MAN2B1: variants seen among roughly 807,000 people sequenced by gnomAD.
MAN2B1 encodes the protein mannosidase alpha class 2B member 1.
A neutral mutation model predicts 127.5 loss-of-function variants in MAN2B1; 99 were observed. The observed-to-expected ratio is 0.78, with a 90% confidence interval of 0.66 to 0.92. The LOEUF (loss-of-function observed/expected upper bound fraction) is 0.92. MAN2B1 is among the 40% of genes least tolerant of loss of function. The pLI, the probability that MAN2B1 is intolerant of heterozygous loss-of-function variation, is 0.00. For missense variants in MAN2B1, 1,304 were observed against 1,384.8 expected (o/e 0.94, Z 0.93); for synonymous variants, 573 against 568.8 (o/e 1.01, Z -0.11).
chr19:12,665,649 A>G, intron 2 of MAN2B1, 54 bp downstream of exon 2: 2 of 1,587,398 alleles, frequency 1.3e-6, no homozygotes, highest in Non-Finnish European at 8.7e-7. Context: ...CAGGACCCAG[A>G]GGGATTACAG....
Position 12,652,405 on chromosome 19 carries a change from A to G in MAN2B1, c.1886T>C (p.Met629Thr), listed in dbSNP as rs1442334390. 23 of 1,613,942 alleles carry G rather than the reference A, an allele frequency of 1.4e-5. No homozygotes were observed. Among genetic ancestry groups the G allele is most frequent in the Non-Finnish European group, 1.9e-5 (23 of 1,180,032 alleles). ...AACAGGCAGCAGGAGTTGCTGATTC[A>G]TGTTCATAATCTCCATCAACAGCCC... is the stretch of plus-strand genomic sequence containing the variant. ...DTGLLMEIMN[M>T]NQQLLLPVRQ... The change falls in exon 15 of 24, where the codon ATG becomes ACG. Residue 629 changes from methionine (M) to threonine (T), a missense_variant. By Grantham distance (81) the Met-to-Thr change is moderately conservative. Transcript: ENST00000456935.
intron 8 of MAN2B1, 30 bp downstream of exon 8, chr19:12,658,398 C>G (rs1478082189): frequency 6.2e-7 from 1 of 1,614,194 alleles, no homozygotes; most frequent in Admixed American, 1.7e-5. Context: ...GCATGCCAAC[C>G]CCCCCAAGCT....
chr19:12,654,081 T>C (rs1372277163), intron 14 of MAN2B1, among the ~76,000 whole-genome samples: 4 of 149,238 alleles, frequency 2.7e-5, no homozygotes, highest in Non-Finnish European at 4.5e-5. Flanking sequence ...CTCACTCTGT[T>C]GCCCAGGCTG....
chr19:12,658,642 CAATGGTTGGGTGTGA>C, intron 7 of MAN2B1, 132 bp from the exon 8 acceptor site: 1 of 837,300 alleles, frequency 1.2e-6, no homozygotes, highest in Non-Finnish European at 2.0e-6. Context: ...GCGTGCAAGC[CAATGGTTGGGTGTGA>C]AAATGAATTT....
intron 5 of MAN2B1, 105 bp from the exon 6 acceptor site, chr19:12,663,567 A>G (rs550636110): frequency 1.5e-5 from 23 of 1,560,138 alleles, no homozygotes; most frequent in African/African-American, 9.5e-5. Flanking sequence ...TTGTGTCCCA[A>G]TGCAAAAGGA....
intron 4 of MAN2B1, 142 bp downstream of exon 4, chr19:12,664,650 C>T: frequency 1.1e-6 from 1 of 904,342 alleles, no homozygotes; most frequent in South Asian, 1.5e-5. Context: ...GGCTTTACGG[C>T]TCACTCAAGG....
chr19:12,660,022 C>G (rs1166021505), intron 7 of MAN2B1, among the ~76,000 whole-genome samples: 1 of 152,008 alleles, frequency 6.6e-6, no homozygotes, highest in Non-Finnish European at 1.5e-5. Context: ...ATGAGAGTGA[C>G]TGACTGTGCA....
intron 14 of MAN2B1, among the ~76,000 whole-genome samples, 190 bp from the exon 15 acceptor site, chr19:12,652,650 G>C (rs1390847476): frequency 2.7e-5 from 4 of 150,024 alleles, no homozygotes; most frequent in Non-Finnish European, 5.9e-5. Flanking sequence ...TCGTGCCTCA[G>C]CTATCCAAGT....
chr19:12,657,091 G>A, intron 11 of MAN2B1, 35 bp from the exon 12 acceptor site: 6 of 1,316,344 alleles, frequency 4.6e-6, no homozygotes, highest in Non-Finnish European at 6.5e-6. Context: ...GTGGGTTCAG[G>A]ACGCCAGGCC....
chr19:12,655,578 G>T, intron 14 of MAN2B1, 116 bp downstream of exon 14: 3 of 1,006,604 alleles, frequency 3.0e-6, no homozygotes, highest in South Asian at 3.2e-5. Context: ...ACAATGAGGG[G>T]AGTTGTGACA....
At chr19:12,656,048 T>C in intron 13 of MAN2B1, 169 bp from the exon 14 acceptor site, 1 of 572,030 alleles carries the variant, frequency 1.7e-6, no homozygotes, top group Non-Finnish European at 3.1e-6. Context: ...CAGAGAAGAT[T>C]CACCAGGTGG....
Position 12,666,676 on chromosome 19 carries a change from C to A in MAN2B1, c.26G>T (p.Gly9Val). Residue 9 changes from glycine to valine, a missense_variant, in exon 1 of 24, where the codon GGG becomes GTG. Gly to Val is a moderately radical substitution (Grantham distance 109). Transcript: ENST00000456935. The stretch of plus-strand genomic sequence containing the variant: ...GTCCAGGCAGCCGCGAGCGCAGACC[C>A]CCGAAGCCCGCGCGTAGGCGCCCAT... MGAYARAS[G>V]VCARGCLDSA... 1 of 1,551,284 alleles carries A rather than the reference C, an allele frequency of 6.4e-7. No homozygotes were observed. The highest frequency in any genetic ancestry group is 8.7e-7 in the Non-Finnish European group (1 of 1,147,628).
chr19:12,665,856 G>A lies in MAN2B1; in HGVS notation c.160-51C>T, dbSNP rs780047496. On this transcript the variant is annotated intron_variant, in intron 1 of 23. Transcript: ENST00000456935. Reference sequence around the variant, plus strand: ...ACCTTGTCAATAACCCCCGAGGTCGGGGGCTGCAGAGTAAGTCTTGATCTA... The same window carrying A: ...ACCTTGTCAATAACCCCCGAGGTCGAGGGCTGCAGAGTAAGTCTTGATCTA... The A allele has an allele frequency of 2.8e-6, 4 of 1,449,900 alleles. 1 individual carries two copies. The South Asian group carries it at 4.6e-5, about 17-fold the overall frequency. The allele number at this position is 1,449,900 out of a possible 1,614,324, so 89.8% of individuals were successfully genotyped here. A position where few individuals can be genotyped will look rare whatever the true frequency, so the allele number is the denominator to read the frequency against.
chr19:12,655,747 G>T lies in MAN2B1; in HGVS notation c.1777C>A (p.Pro593Thr). The change falls in exon 14 of 24, where the codon CCA (proline) becomes ACA (threonine). Residue 593 changes from proline (P) to threonine (T), a missense_variant. Physicochemically the swap from Pro to Thr is conservative, Grantham distance 38. Transcript: ENST00000456935. Reference sequence around the variant, plus strand: ...CAGGATCTTCTGGGGATGGGCTGTGGTGCGCGGGCCTGGGGCTTCCAGCGA... The same window carrying T: ...CAGGATCTTCTGGGGATGGGCTGTGTTGCGCGGGCCTGGGGCTTCCAGCGA... Reference protein sequence around the residue: ...VPRWKPQARAPQPIPRRSWSP... With the variant: ...VPRWKPQARATQPIPRRSWSP... 2 of 1,609,576 alleles carry T rather than the reference G, an allele frequency of 1.2e-6. No homozygotes were observed. The highest frequency in any genetic ancestry group is 1.7e-6 in the Non-Finnish European group (2 of 1,176,562).
intron 18 of MAN2B1, 30 bp downstream of exon 18, chr19:12,649,883 A>C (rs1233449999): frequency 1.0e-3 from 1,251 of 1,206,224 alleles, no homozygotes; most frequent in Non-Finnish European, 1.4e-3. Flanking sequence ...ACCACAGACC[A>C]CCCCCTCAGT....
chr19:12,652,329 C>T, intron 15 of MAN2B1, 34 bp downstream of exon 15: 1 of 1,609,516 alleles, frequency 6.2e-7, no homozygotes, highest in Non-Finnish European at 8.5e-7. Flanking sequence ...CGAGCACCAC[C>T]ACCCCACCCT....
In MAN2B1 at chr19:12,666,607, A is replaced by G; in HGVS notation, c.95T>C (p.Leu32Pro). The G allele has an allele frequency of 6.4e-7, 1 of 1,564,498 alleles. No individual in the cohort carries two copies. Among genetic ancestry groups the G allele is most frequent in the Non-Finnish European group, 8.7e-7 (1 of 1,154,664 alleles). Residue 32 changes from leucine to proline, a missense_variant, in exon 1 of 24, where the codon CTC (leucine) becomes CCC (proline). Transcript: ENST00000456935. ...WTMSRALRPP[L>P]PPLCFFLLLL... ...CAAAAGGAAAAAGCAGAGAGGCGGG[A>G]GCGGTGGCCGCAGGGCGCGGGACAT...
At position 12,656,502 on chromosome 19, in the gene MAN2B1, T is replaced by C. The variant is rs1035029341; in HGVS notation, c.1644+69A>G. 53 of 1,073,716 alleles carry C rather than the reference T, an allele frequency of 4.9e-5. No individual in the cohort carries two copies. In the Admixed American group the frequency reaches 9.0e-4, roughly 18 times the overall value. The allele number at this position is 1,073,716 out of a possible 1,614,324, so 66.5% of individuals were successfully genotyped here. On this transcript the variant is annotated intron_variant, in intron 13 of 23. Transcript: ENST00000456935. ...TATTCATGGAAGCAGGCGATATCCA[T>C]GGGGGCGATGAGGAAATGCCCACTG...
In MAN2B1 at chr19:12,658,154, G is replaced by T. The variant is rs372848519; in HGVS notation, c.1231-13C>A. 23 of 1,613,458 alleles carry T rather than the reference G, an allele frequency of 1.4e-5. No individual in the cohort carries two copies. The highest frequency in any genetic ancestry group is 1.8e-5 in the Non-Finnish European group (21 of 1,179,946). On this transcript the variant is annotated splice_polypyrimidine_tract_variant and intron_variant, in intron 9 of 23. Coordinates refer to ENST00000456935, the MANE Select transcript of MAN2B1 (RefSeq NM_000528.4). The stretch of plus-strand genomic sequence containing the variant: ...GCTGGTTGCACACCTGGAGGCAGAG[G>T]GGTATGTTGGGGCGCCCAGCCTGTC...
Sources: gnomAD v4.1 joint callset for allele counts (sites outside exome capture counted in the v4.1 genomes callset) on GRCh38, gnomAD v4.1.1 for gene constraint, MANE v1.5 for transcripts, NCBI Gene and HGNC (gene_info 2026-07-23, HGNC 2026-07-21) for gene names.